Variants in PAPSS2 observed in about 807,000 individuals in gnomAD.
PAPSS2 encodes the protein bifunctional 3'-phosphoadenosine 5'-phosphosulfate synthase 2.
PAPSS2 carries 61 observed loss-of-function variants against 66.5 expected under a neutral mutation model. The observed-to-expected ratio is 0.92, with a 90% CI of 0.75 to 1.14. The LOEUF is 1.14. Ranked by LOEUF, PAPSS2 falls within the 50% of genes most tolerant of loss-of-function variation. PAPSS2 has a pLI of 0.00. For missense variants in PAPSS2, 708 were observed against 789.6 expected, an observed-to-expected ratio of 0.90 and a Z score of 1.24; for synonymous variants, 289 against 287.5, an observed-to-expected ratio of 1.01 and a Z score of -0.05.
At chr10:87,700,176 A>C (rs1225371506) in intron 1 of PAPSS2, among the ~76,000 whole-genome samples, 1 of 152,170 alleles carries the variant, frequency 6.6e-6, no homozygotes, top group Non-Finnish European at 1.5e-5. Flanking sequence ...ATTTTAGATA[A>C]TATTGCTATG....
intron 1 of PAPSS2, 46 bp from the exon 2 acceptor site, chr10:87,709,150 G>A (rs895222818): frequency 1.2e-5 from 15 of 1,225,212 alleles, no homozygotes; most frequent in South Asian, 2.4e-5. Flanking sequence ...TGAAGAATAT[G>A]TGTTTTATTA....
chr10:87,689,510 C>T (rs2131911904), intron 1 of PAPSS2, among the ~76,000 whole-genome samples: 1 of 151,032 alleles, frequency 6.6e-6, no homozygotes, highest in South Asian at 2.1e-4. Flanking sequence ...CTACTAAATA[C>T]AAAAAATTAG....
intron 2 of PAPSS2, among the ~76,000 whole-genome samples, chr10:87,712,060 A>G (rs1853468610): frequency 6.6e-6 from 1 of 152,142 alleles, no homozygotes; most frequent in African/African-American, 2.4e-5. Flanking sequence ...CTCATATGGA[A>G]ATTACAAAGT....
chr10:87,709,406 T>C, intron 2 of PAPSS2, 93 bp downstream of exon 2: 2 of 770,084 alleles, frequency 2.6e-6, no homozygotes, highest in Non-Finnish European at 4.5e-6. Flanking sequence ...ATTACATGCT[T>C]GTTTTATCAT....
At chr10:87,708,466 G>A (rs1033816179) in intron 1 of PAPSS2, among the ~76,000 whole-genome samples, 4 of 152,118 alleles carry the variant, frequency 2.6e-5, no homozygotes, top group East Asian at 1.9e-4. Flanking sequence ...TTTTCACTGC[G>A]ATCTGGGCCT....
intron 1 of PAPSS2, among the ~76,000 whole-genome samples, chr10:87,662,061 ATTGT>A (rs1237290923): frequency 6.6e-6 from 1 of 152,210 alleles, no homozygotes; most frequent in Non-Finnish European, 1.5e-5. Flanking sequence ...GAACTAATCA[ATTGT>A]TTGATAAGTA....
chr10:87,681,172 C>T (rs1160665034), intron 1 of PAPSS2, among the ~76,000 whole-genome samples: 4 of 152,160 alleles, frequency 2.6e-5, no homozygotes, highest in Admixed American at 2.6e-4. Context: ...ATCAATAGTG[C>T]CAAGGTTGAG....
intron 9 of PAPSS2, among the ~76,000 whole-genome samples, 165 bp from the exon 10 acceptor site, chr10:87,741,070 C>T (rs540325410): frequency 3.3e-5 from 5 of 152,146 alleles, no homozygotes; most frequent in South Asian, 2.1e-4. Flanking sequence ...AAGAGCATAA[C>T]GGGTTCTAGA....
intron 3 of PAPSS2, among the ~76,000 whole-genome samples, chr10:87,713,711 A>G (rs1282012290): frequency 3.9e-5 from 6 of 152,244 alleles, no homozygotes; most frequent in African/African-American, 1.4e-4. Flanking sequence ...TAATGCTGAC[A>G]TCACTGAGAT....
At chr10:87,717,879 A>G (rs374099058) in intron 7 of PAPSS2, among the ~76,000 whole-genome samples, 4 of 152,292 alleles carry the variant, frequency 2.6e-5, no homozygotes, top group East Asian at 1.9e-4. Context: ...ACAAATTCTT[A>G]AAAGAGTCTG....
chr10:87,704,841 C>T (rs1035704587), intron 1 of PAPSS2, among the ~76,000 whole-genome samples: 2 of 152,076 alleles, frequency 1.3e-5, no homozygotes, highest in Non-Finnish European at 2.9e-5. Flanking sequence ...AGGGTTTTAC[C>T]GTATCAGCTA....
At chr10:87,661,662 G>A (rs1472096960) in intron 1 of PAPSS2, among the ~76,000 whole-genome samples, 2 of 152,114 alleles carry the variant, frequency 1.3e-5, no homozygotes, top group East Asian at 3.9e-4. Flanking sequence ...TTGAGAACAG[G>A]GTCATTACAA....
intron 1 of PAPSS2, among the ~76,000 whole-genome samples, chr10:87,689,767 A>G (rs1197908267): frequency 6.8e-6 from 1 of 147,590 alleles, no homozygotes; most frequent in Non-Finnish European, 1.5e-5. Context: ...GGAATAGAAC[A>G]AGGGGTAAAG....
chr10:87,676,614 A>G (rs1217267297), intron 1 of PAPSS2, among the ~76,000 whole-genome samples: 1 of 152,162 alleles, frequency 6.6e-6, no homozygotes, highest in East Asian at 1.9e-4. Context: ...TCTGATCATG[A>G]ATTTTGATCA....
At chr10:87,663,821 C>T (rs1489608639) in intron 1 of PAPSS2, among the ~76,000 whole-genome samples, 1 of 152,178 alleles carries the variant, frequency 6.6e-6, no homozygotes, top group African/African-American at 2.4e-5. Flanking sequence ...TATGCAGTAG[C>T]TATTTCATTT....
intron 9 of PAPSS2, among the ~76,000 whole-genome samples, chr10:87,729,606 C>G (rs1357960187): frequency 1.3e-5 from 2 of 152,158 alleles, no homozygotes; most frequent in Non-Finnish European, 2.9e-5. Context: ...CAATTAATAA[C>G]CCTGCAATGG....
chr10:87,684,917 A>G (rs755501959), intron 1 of PAPSS2, among the ~76,000 whole-genome samples: 2 of 152,160 alleles, frequency 1.3e-5, no homozygotes, highest in Non-Finnish European at 2.9e-5. Flanking sequence ...TATTTAGTGA[A>G]GCACTTCTTT....
chr10:87,682,807 G>A (rs895897219), intron 1 of PAPSS2, among the ~76,000 whole-genome samples: 7 of 152,190 alleles, frequency 4.6e-5, no homozygotes, highest in African/African-American at 1.4e-4. Context: ...GAAGGAGCAT[G>A]TAGAAAAACA....
At chr10:87,664,294 G>T (rs1335114733) in intron 1 of PAPSS2, among the ~76,000 whole-genome samples, 1 of 152,184 alleles carries the variant, frequency 6.6e-6, no homozygotes, top group African/African-American at 2.4e-5. Flanking sequence ...ATTGTGATAG[G>T]CTGGATAGAA....
Sources: allele counts gnomAD v4.1 joint callset (sites outside exome capture counted in the v4.1 genomes callset), GRCh38; gene constraint gnomAD v4.1.1; transcripts MANE v1.5; gene names NCBI Gene and HGNC (gene_info 2026-07-23, HGNC 2026-07-21).